Variants in UNC5A observed in about 807,000 individuals in gnomAD.
The protein encoded by UNC5A is unc-5 netrin receptor A, also known as netrin receptor UNC5A.
Under a neutral mutation model 87.4 loss-of-function variants are expected in UNC5A, and 20 were observed. The ratio of observed to expected loss-of-function variants is 0.23; its 90% CI spans 0.16 to 0.33. The LOEUF is 0.33. Ranked by LOEUF, UNC5A falls within the 10% of genes least tolerant of loss-of-function variation. The probability of loss-of-function intolerance (pLI) is 1.00; values close to 1 mark genes in which losing one functional copy is unlikely to be tolerated. For synonymous variants in UNC5A, 438 were observed against 482.3 expected (o/e 0.91, Z 1.20); for missense variants, 844 against 1,133.4 (o/e 0.74, Z 3.67).
At position 176,868,825 on chromosome 5, in the gene UNC5A, G is replaced by C; in HGVS notation, c.582G>C (p.Leu194=). 1 of 1,609,270 alleles carries C rather than the reference G, an allele frequency of 6.2e-7. No homozygotes were observed. The highest frequency in any genetic ancestry group is 1.1e-5 in the South Asian group (1 of 90,990). The change falls in exon 5 of 15, where the codon CTG becomes CTC. Residue 194 remains leucine (L), a synonymous_variant. Coordinates refer to ENST00000329542, the MANE Select transcript of UNC5A (RefSeq NM_133369.3). The stretch of plus-strand genomic sequence containing the variant: ...ACGAGGACCTGGTGGACCCGTCCCT[G>C]GACCCCAATGTATACATCACGCGGG... The part of the protein sequence containing the change: ...LRNEDLVDPS[L]DPNVYITREH...
chr5:176,868,459 C>G, intron 3 of UNC5A, 102 bp from the exon 4 acceptor site: 1 of 1,447,678 alleles, frequency 6.9e-7, no homozygotes, highest in African/African-American at 1.4e-5. Flanking sequence ...CTGGCACTTC[C>G]TCTGCCATGT....
intron 1 of UNC5A, among the ~76,000 whole-genome samples, chr5:176,847,004 GC>G (rs1309348680): frequency 6.6e-6 from 1 of 152,076 alleles, no homozygotes; most frequent in Non-Finnish European, 1.5e-5. Flanking sequence ...CACAGGGAGC[GC>G]CCCCGTCAAG....
chr5:176,834,426 C>T (rs888247638), intron 1 of UNC5A, among the ~76,000 whole-genome samples: 3 of 152,182 alleles, frequency 2.0e-5, no homozygotes, highest in African/African-American at 7.2e-5. Flanking sequence ...CCCCAGGGCC[C>T]AGGAGGGGCC....
intron 1 of UNC5A, among the ~76,000 whole-genome samples, chr5:176,847,641 C>T (rs1757443557): frequency 6.6e-6 from 1 of 152,136 alleles, no homozygotes; most frequent in South Asian, 2.1e-4. Context: ...TTCAATCAGA[C>T]CGATCCCAAC....
chr5:176,828,032 C>G (rs2113599623), intron 1 of UNC5A, among the ~76,000 whole-genome samples: 1 of 152,206 alleles, frequency 6.6e-6, no homozygotes, highest in East Asian at 1.9e-4. Flanking sequence ...CTCTCGGACC[C>G]TGTGGACCCT....
intron 1 of UNC5A, among the ~76,000 whole-genome samples, chr5:176,860,210 G>T (rs73341808): frequency 0.048 from 7,331 of 152,288 alleles, 600 homozygotes; most frequent in African/African-American, 0.17. Context: ...CTGCCACTGG[G>T]GGGGCTTGGT....
intron 14 of UNC5A, 104 bp from the exon 15 acceptor site, chr5:176,879,617 T>G: frequency 6.4e-7 from 1 of 1,550,780 alleles, no homozygotes. Context: ...GGGCAGTCAT[T>G]GTGTTTGGCT....
At chr5:176,847,172 G>T (rs145678664) in intron 1 of UNC5A, among the ~76,000 whole-genome samples, 97 of 152,284 alleles carry the variant, frequency 6.4e-4, no homozygotes, top group African/African-American at 2.2e-3. Flanking sequence ...CTCCATGCCC[G>T]ACGGCTGGAG....
At position 176,825,073 on chromosome 5, in the gene UNC5A, G is replaced by A. The variant is rs142036155; in HGVS notation, c.70+14253G>A. Among the ~76,000 whole-genome samples the A allele has an allele frequency of 4.5e-3, 689 of 152,302 alleles. 3 individuals are homozygous for A. The highest frequency in any genetic ancestry group is 8.1e-3 in the South Asian group (39 of 4,822). The stretch of plus-strand genomic sequence containing the variant: ...AGATTTCGCCTGTTCAGTTTGAAGT[G>A]GTGGAGGATAGTCAGGTGGAAACAT... On this transcript the variant is annotated intron_variant, in intron 1 of 14. Transcript: ENST00000329542.
intron 1 of UNC5A, among the ~76,000 whole-genome samples, chr5:176,828,340 T>C (rs761768706): frequency 1.3e-5 from 2 of 151,684 alleles, no homozygotes; most frequent in African/African-American, 2.4e-5. Context: ...GCAGTGGGGG[T>C]GAGGGAGCCC....
chr5:176,854,009 G>A (rs1401377533), intron 1 of UNC5A, among the ~76,000 whole-genome samples: 1 of 152,208 alleles, frequency 6.6e-6, no homozygotes, highest in African/African-American at 2.4e-5. Flanking sequence ...GCTGCAGTGG[G>A]GTCAAATAAG....
At chr5:176,849,151 C>T (rs538124910) in intron 1 of UNC5A, among the ~76,000 whole-genome samples, 9 of 152,310 alleles carry the variant, frequency 5.9e-5, no homozygotes, top group African/African-American at 2.2e-4. Context: ...TCGGAAGAGG[C>T]CTTGGACACT....
At position 176,878,103 on chromosome 5, in the gene UNC5A, G is replaced by A. The variant is rs377286325; in HGVS notation, c.1845G>A (p.Leu615=). 6.2e-7 allele frequency: 1 copy of A among 1,609,288 alleles called. No individual in the cohort carries two copies. Among genetic ancestry groups the A allele is most frequent in the Non-Finnish European group, 8.5e-7 (1 of 1,179,922 alleles). ...SLEYNIRVYC[L]HDTHDALKEV... ...AGTACAACATCCGGGTCTACTGCCTGCATGACACCCACGATGCACTCAAGG... is the reference window on the plus strand; with the variant it reads ...AGTACAACATCCGGGTCTACTGCCTACATGACACCCACGATGCACTCAAGG... The change falls in exon 11 of 15, where the codon CTG becomes CTA. Residue 615 remains leucine (L), a synonymous_variant. Transcript: ENST00000329542.
chr5:176,812,423 C>T (rs761323507), intron 1 of UNC5A, among the ~76,000 whole-genome samples: 1 of 152,168 alleles, frequency 6.6e-6, no homozygotes, highest in African/African-American at 2.4e-5. Context: ...CATGTGTGCC[C>T]GGGTAACCAG....
intron 1 of UNC5A, among the ~76,000 whole-genome samples, chr5:176,849,703 C>T (rs1757493546): frequency 6.6e-6 from 1 of 151,798 alleles, no homozygotes; most frequent in African/African-American, 2.4e-5. Flanking sequence ...CTCAGTCCTA[C>T]ATCTCCTGAG....
At chr5:176,823,355 G>A (rs1305948886) in intron 1 of UNC5A, among the ~76,000 whole-genome samples, 1 of 152,070 alleles carries the variant, frequency 6.6e-6, no homozygotes, top group African/African-American at 2.4e-5. Context: ...CAGGGCGCCT[G>A]GGTCACAAGC....
At chr5:176,825,449 C>G (rs1007779955) in intron 1 of UNC5A, among the ~76,000 whole-genome samples, 1 of 152,148 alleles carries the variant, frequency 6.6e-6, no homozygotes, top group Non-Finnish European at 1.5e-5. Context: ...GGACGCTGTG[C>G]TCAGAAGCAG....
intron 1 of UNC5A, among the ~76,000 whole-genome samples, chr5:176,849,612 G>A (rs1561654270): frequency 1.3e-5 from 2 of 152,152 alleles, no homozygotes; most frequent in Non-Finnish European, 1.5e-5. Context: ...CATCTGGCCT[G>A]CCCCCTTGGA....
intron 14 of UNC5A, 78 bp from the exon 15 acceptor site, chr5:176,879,643 C>T (rs1424286800): frequency 1.3e-6 from 2 of 1,578,928 alleles, no homozygotes; most frequent in Admixed American, 1.7e-5. Context: ...GAGGCCCTGC[C>T]CTGGGGTGGG....
Sources: allele counts gnomAD v4.1 joint callset (sites outside exome capture counted in the v4.1 genomes callset), GRCh38; gene constraint gnomAD v4.1.1; transcripts MANE v1.5; gene names NCBI Gene and HGNC (gene_info 2026-07-23, HGNC 2026-07-21).